MYO16: variants seen among roughly 807,000 people sequenced by gnomAD.
The protein encoded by MYO16 is myosin XVI, also known as unconventional myosin-XVI.
Under a neutral mutation model 205.3 loss-of-function variants are expected in MYO16, and 94 were observed. The ratio of observed to expected loss-of-function variants is 0.46; its 90% CI spans 0.39 to 0.54. The LOEUF is 0.54. Ranked by LOEUF, MYO16 falls within the 20% of genes least tolerant of loss-of-function variation. The pLI is 0.00. For missense variants in MYO16, 2,315 were observed against 2,387.5 expected (o/e 0.97, Z 0.63); for synonymous variants, 988 against 954.0 (o/e 1.04, Z -0.66).
chr13:108,696,992 A>G (rs983652307), intron 2 of MYO16, among the ~76,000 whole-genome samples: 2 of 151,476 alleles, frequency 1.3e-5, no homozygotes, highest in Non-Finnish European at 1.5e-5. Flanking sequence ...AAAAAAAAAA[A>G]ATACCCTGCC....
intron 20 of MYO16, among the ~76,000 whole-genome samples, chr13:108,966,298 A>C (rs902842874): frequency 6.6e-6 from 1 of 152,236 alleles, no homozygotes; most frequent in Non-Finnish European, 1.5e-5. Flanking sequence ...CAAATTAGCT[A>C]TGTATAAAAT....
intron 2 of MYO16, among the ~76,000 whole-genome samples, chr13:108,671,840 A>C (rs761569578): frequency 3.3e-5 from 5 of 152,118 alleles, no homozygotes; most frequent in African/African-American, 1.2e-4. Context: ...TAAGAGCACT[A>C]ATCTTATCAT....
chr13:108,819,270 C>A (rs1482701564), intron 7 of MYO16, among the ~76,000 whole-genome samples: 2 of 152,116 alleles, frequency 1.3e-5, no homozygotes, highest in Admixed American at 1.3e-4. Context: ...CAATACTATT[C>A]CATGCAGCCA....
chr13:108,502,191 TGAC>T, the MYO16 span, among the ~76,000 whole-genome samples: 1 of 151,880 alleles, frequency 6.6e-6, no homozygotes, highest in Non-Finnish European at 1.5e-5. Context: ...CCAGCCTGGG[TGAC>T]AGAATGAGAC....
At position 108,844,583 on chromosome 13, in the gene MYO16, A is replaced by G. The variant is rs1594338224; in HGVS notation, c.1248+90A>G. 7 of 1,295,200 alleles carry G rather than the reference A, an allele frequency of 5.4e-6. No homozygotes were observed. In the Admixed American group the frequency reaches 1.0e-4, roughly 19 times the overall value. The allele number at this position is 1,295,200 out of a possible 1,614,324, so 80.2% of individuals were successfully genotyped here. ...CAACATATTTCAAAAACAAATGCGC[A>G]CTAATTTGCATTCAAAGACAATTAA... On this transcript the variant is annotated intron_variant, in intron 10 of 34. Transcript: ENST00000457511.
chr13:108,942,575 A>G (rs764721130), intron 16 of MYO16, among the ~76,000 whole-genome samples: 1 of 152,210 alleles, frequency 6.6e-6, no homozygotes, highest in African/African-American at 2.4e-5. Context: ...GATATTGTGC[A>G]TATCACTATT....
At chr13:109,177,795 C>T (rs1040687718) in intron 33 of MYO16, among the ~76,000 whole-genome samples, 4 of 152,192 alleles carry the variant, frequency 2.6e-5, no homozygotes, top group East Asian at 1.9e-4. Flanking sequence ...GGATTACAGG[C>T]GTGAGCCAGT....
chr13:109,054,286 T>C lies in MYO16; in HGVS notation c.3049-760T>C, dbSNP rs377611384. 1,419 of 395,276 alleles carry C rather than the reference T, an allele frequency of 3.6e-3. 30 individuals carry two copies. The highest frequency in any genetic ancestry group is 0.025 in the South Asian group (1,346 of 52,938). 24.5% of individuals were successfully genotyped at this position (395,276 alleles called of 1,614,324 possible). On this transcript the variant is annotated intron_variant, in intron 25 of 34. Coordinates refer to ENST00000457511, the MANE Select transcript of MYO16 (RefSeq NM_001198950.3). ...TTTGCTTATTTGAAAAAAAATAGAG[T>C]CTACTACCATTTTTTACAGATAGGT...
At chr13:108,927,327 A>G (rs961537891) in intron 16 of MYO16, among the ~76,000 whole-genome samples, 1 of 152,094 alleles carries the variant, frequency 6.6e-6, no homozygotes, top group Non-Finnish European at 1.5e-5. Context: ...ATCTTTCTAA[A>G]TGAGTGATTT....
chr13:108,857,592 T>G (rs1320909241), intron 11 of MYO16, among the ~76,000 whole-genome samples: 3 of 152,228 alleles, frequency 2.0e-5, no homozygotes, highest in Non-Finnish European at 4.4e-5. Flanking sequence ...AAAACATAGT[T>G]GTTTATGCAC....
At chr13:108,561,708 T>C in the MYO16 span, among the ~76,000 whole-genome samples, 2 of 152,236 alleles carry the variant, frequency 1.3e-5, no homozygotes, top group African/African-American at 2.4e-5. Flanking sequence ...GATGCTATTA[T>C]GTATTCTTAT....
At position 109,162,010 on chromosome 13, in the gene MYO16, G is replaced by T. The variant is rs1878408904; in HGVS notation, c.5165-2891G>T. ...AGGCTGAGGCAGGAGAATCTCCCAG[G>T]AGGCAGAGGTTGCAGGGAGCTGAGA... On this transcript the variant is annotated intron_variant, in intron 32 of 34. Transcript: ENST00000457511. This position sits in a 1 kb window ranked among gnomAD's most constrained non-coding sequence, Gnocchi z 4.6. Among the ~76,000 whole-genome samples the T allele has an allele frequency of 6.6e-6, 1 of 152,192 alleles. No individual in the cohort carries two copies. Among genetic ancestry groups the T allele is most frequent in the South Asian group, 2.1e-4 (1 of 4,830 alleles).
intron 6 of MYO16, among the ~76,000 whole-genome samples, chr13:108,804,869 G>C (rs9514918): frequency 0.72 from 110,000 of 152,126 alleles, 41,054 homozygotes; most frequent in East Asian, 1. Flanking sequence ...CTTGTGGTAA[G>C]TGGCCCAGGG....
chr13:109,187,286 G>C (rs1311385052), intron 34 of MYO16, among the ~76,000 whole-genome samples: 1 of 152,096 alleles, frequency 6.6e-6, no homozygotes, highest in African/African-American at 2.4e-5. Flanking sequence ...TTCTTGGTCG[G>C]TTTAGCTAGA....
In MYO16 at chr13:108,820,372, A is replaced by C. The variant is rs1875899714; in HGVS notation, c.903A>C (p.Ala301=). The change falls in exon 8 of 35, where the codon GCA becomes GCC. Residue 301 remains alanine, a synonymous_variant. Coordinates refer to ENST00000457511, the MANE Select transcript of MYO16 (RefSeq NM_001198950.3). ...TGAAACTTCTCCTGATGCATCAGGC[A>C]AACCCACACCTCGTGAACTGTAATG... is the stretch of plus-strand genomic sequence containing the variant. ...NLVKLLLMHQ[A]NPHLVNCNEE... is the part of the protein sequence containing the mutation. 1 of 1,607,000 alleles carries C rather than the reference A, an allele frequency of 6.2e-7. No individual in the cohort carries two copies. The highest frequency in any genetic ancestry group is 8.5e-7 in the Non-Finnish European group (1 of 1,176,468).
At chr13:108,957,539 G>C (rs1438600803) in intron 16 of MYO16, 149 bp from the exon 17 acceptor site, 3 of 566,650 alleles carry the variant, frequency 5.3e-6, no homozygotes, top group East Asian at 5.7e-5. Flanking sequence ...CATGTGCTGT[G>C]ATGCACCAAA....
intron 27 of MYO16, among the ~76,000 whole-genome samples, chr13:109,064,250 A>G (rs931323857): frequency 6.6e-5 from 10 of 152,196 alleles, no homozygotes; most frequent in Non-Finnish European, 1.5e-4. Flanking sequence ...CTGGCCCTTT[A>G]CAGGAAAAGT....
intron 23 of MYO16, among the ~76,000 whole-genome samples, chr13:109,037,671 CAG>C (rs138767330): frequency 1.1e-4 from 16 of 150,890 alleles, no homozygotes; most frequent in African/African-American, 3.2e-4. Flanking sequence ...GAGAGACACA[CAG>C]AGAGAGAGAG....
intron 4 of MYO16, among the ~76,000 whole-genome samples, chr13:108,761,461 A>G (rs1858328613): frequency 9.5e-6 from 1 of 105,068 alleles, no homozygotes; most frequent in South Asian, 2.8e-4. Flanking sequence ...GGGAGAAGGA[A>G]CACCTGTTAT....
Sources: allele counts gnomAD v4.1 joint callset (sites outside exome capture counted in the v4.1 genomes callset), GRCh38; gene constraint gnomAD v4.1.1; non-coding constraint Gnocchi (gnomAD v3.1); transcripts MANE v1.5; gene names NCBI Gene and HGNC (gene_info 2026-07-23, HGNC 2026-07-21).